The following SHC4 variants were observed in gnomAD, a reference collection of about 807,000 sequenced individuals.
The protein encoded by SHC4 is SHC-transforming protein 4.
A neutral mutation model predicts 69.4 loss-of-function variants in SHC4; 41 were observed. The observed-to-expected ratio is 0.59, with a 90% CI of 0.46 to 0.77. The LOEUF (loss-of-function observed/expected upper bound fraction) is 0.77, where lower values mean the gene tolerates loss of function less well. Among genes scored for constraint, SHC4 ranks in the 30% least tolerant of loss-of-function variants. The pLI is 0.00. For missense variants in SHC4, 777 were observed against 783.8 expected (o/e 0.99, Z 0.10); for synonymous variants, 318 against 299.3 (o/e 1.06, Z -0.64).
At chr15:48,911,391 C>A (rs28891111) in intron 2 of SHC4, among the ~76,000 whole-genome samples, 3 of 152,106 alleles carry the variant, frequency 2.0e-5, no homozygotes, top group Non-Finnish European at 4.4e-5. Context: ...TACCCCTGCT[C>A]GCTTTTGGCA....
At chr15:48,909,102 G>A (rs1900461993) in intron 2 of SHC4, among the ~76,000 whole-genome samples, 1 of 152,110 alleles carries the variant, frequency 6.6e-6, no homozygotes, top group Admixed American at 6.6e-5. Flanking sequence ...GTGGTATTTT[G>A]ATGAGAACTG....
intron 8 of SHC4, among the ~76,000 whole-genome samples, chr15:48,852,609 A>G (rs1240169065): frequency 6.6e-6 from 1 of 152,202 alleles, no homozygotes; most frequent in Non-Finnish European, 1.5e-5. Flanking sequence ...GTCTCAAAAA[A>G]TAAGAGGTAG....
At chr15:48,843,340 A>G in intron 10 of SHC4, 69 bp downstream of exon 10, 1 of 1,451,412 alleles carries the variant, frequency 6.9e-7, no homozygotes. Context: ...TGAAAGAATA[A>G]ATTTCTGTTT....
At chr15:48,887,803 G>A (rs1182005901) in intron 3 of SHC4, among the ~76,000 whole-genome samples, 1 of 152,068 alleles carries the variant, frequency 6.6e-6, no homozygotes, top group African/African-American at 2.4e-5. Context: ...ACTAAAATCA[G>A]AAATGAAAGT....
chr15:48,834,712 A>G, intron 11 of SHC4, 57 bp downstream of exon 11: 1 of 1,587,564 alleles, frequency 6.3e-7, no homozygotes, highest in Non-Finnish European at 8.6e-7. Flanking sequence ...GAAATCATTC[A>G]GGGTATGCTT....
At chr15:48,955,484 T>A (rs72741925) in intron 1 of SHC4, among the ~76,000 whole-genome samples, 1 of 151,920 alleles carries the variant, frequency 6.6e-6, no homozygotes, top group African/African-American at 2.4e-5. Flanking sequence ...GGAAACCATA[T>A]TGGGGAAATG....
intron 6 of SHC4, among the ~76,000 whole-genome samples, chr15:48,862,798 C>T (rs1009027354): frequency 2.6e-5 from 4 of 152,176 alleles, no homozygotes; most frequent in Non-Finnish European, 5.9e-5. Flanking sequence ...TCAGAAGAAC[C>T]TTGCTCTTCC....
intron 2 of SHC4, among the ~76,000 whole-genome samples, chr15:48,918,206 A>T (rs897785479): frequency 5.3e-5 from 8 of 152,186 alleles, no homozygotes; most frequent in Non-Finnish European, 7.4e-5. Flanking sequence ...GATCCCGTCC[A>T]CCACCCTCCC....
intron 8 of SHC4, among the ~76,000 whole-genome samples, chr15:48,854,859 GTTACTATGC>G (rs1899282060): frequency 6.6e-6 from 1 of 152,166 alleles, no homozygotes; most frequent in Admixed American, 6.5e-5. Context: ...AAAGCTATCT[GTTACTATGC>G]TCACTACCTG....
intron 11 of SHC4, among the ~76,000 whole-genome samples, chr15:48,830,601 GA>G (rs928624096): frequency 1.3e-5 from 2 of 152,084 alleles, no homozygotes; most frequent in Non-Finnish European, 2.9e-5. Context: ...TGCAGGCAAA[GA>G]AAAAGAAGAA....
chr15:48,953,529 C>T (rs1358489977), intron 1 of SHC4, among the ~76,000 whole-genome samples: 1 of 152,138 alleles, frequency 6.6e-6, no homozygotes, highest in East Asian at 1.9e-4. Flanking sequence ...GACAATGGGC[C>T]TCTCTTGGTG....
chr15:48,876,237 G>C (rs570599567), intron 4 of SHC4, among the ~76,000 whole-genome samples: 1 of 152,304 alleles, frequency 6.6e-6, no homozygotes, highest in African/African-American at 2.4e-5. Flanking sequence ...TGCATTCAAA[G>C]CCAAACTGGA....
chr15:48,957,636 C>T (rs7179143), intron 1 of SHC4, among the ~76,000 whole-genome samples: 152,284 of 152,356 alleles, frequency 1, 76,106 homozygotes, highest in Non-Finnish European at 1. Flanking sequence ...CAAGAAGGCC[C>T]ATGTGAGCAA....
intron 1 of SHC4, among the ~76,000 whole-genome samples, chr15:48,952,644 G>C (rs1376914695): frequency 6.6e-6 from 1 of 152,182 alleles, no homozygotes; most frequent in Non-Finnish European, 1.5e-5. Context: ...CTCGAAAGAA[G>C]ACATCCATGT....
At chr15:48,932,218 C>T (rs1028941440) in intron 1 of SHC4, among the ~76,000 whole-genome samples, 1 of 152,100 alleles carries the variant, frequency 6.6e-6, no homozygotes, top group African/African-American at 2.4e-5. Flanking sequence ...TCCCAAGACC[C>T]CCATCCTTAA....
At chr15:48,936,441 T>A (rs912228695) in intron 1 of SHC4, among the ~76,000 whole-genome samples, 3 of 152,102 alleles carry the variant, frequency 2.0e-5, no homozygotes, top group Non-Finnish European at 4.4e-5. Context: ...GCCCAATCCA[T>A]CTCCTTCGAT....
intron 9 of SHC4, among the ~76,000 whole-genome samples, chr15:48,850,359 AAAT>A (rs1382993046): frequency 6.6e-6 from 1 of 152,154 alleles, no homozygotes; most frequent in African/African-American, 2.4e-5. Flanking sequence ...ACTATATAAA[AAAT>A]AATAAAATTA....
chr15:48,924,558 T>G (rs1900812329), intron 2 of SHC4, among the ~76,000 whole-genome samples: 1 of 152,222 alleles, frequency 6.6e-6, no homozygotes, highest in Non-Finnish European at 1.5e-5. Context: ...GCTACTTCCT[T>G]GACAGGTCTG....
intron 6 of SHC4, among the ~76,000 whole-genome samples, chr15:48,860,358 T>C (rs1361785202): frequency 6.6e-6 from 1 of 151,446 alleles, no homozygotes; most frequent in Admixed American, 6.6e-5. Flanking sequence ...TACAAAAAAA[T>C]TGGCTGGGCA....
Sources: allele counts gnomAD v4.1 joint callset (sites outside exome capture counted in the v4.1 genomes callset), GRCh38; gene constraint gnomAD v4.1.1; transcripts MANE v1.5; gene names NCBI Gene and HGNC (gene_info 2026-07-23, HGNC 2026-07-21).